Variants in RALYL observed in about 807,000 individuals in gnomAD.
RALYL encodes the protein RALY RNA binding protein like.
A neutral mutation model predicts 35.1 loss-of-function variants in RALYL; 29 were observed. The ratio of observed to expected loss-of-function variants is 0.83; its 90% CI spans 0.61 to 1.13. The LOEUF (loss-of-function observed/expected upper bound fraction) is 1.13. RALYL is among the 50% of genes most tolerant of loss of function. The pLI is 0.00. For synonymous variants in RALYL, 120 were observed against 127.6 expected (o/e 0.94, Z 0.40); for missense variants, 359 against 360.4 (o/e 1.00, Z 0.03).
chr8:84,774,730 A>T lies in RALYL; in HGVS notation c.332+76A>T, dbSNP rs1337137359. ...AGCTTTATAAGGCAATATAACTTGT[A>T]AGGCATCCACTATTTAAAATAATAA... On this transcript the variant is annotated intron_variant, in intron 3 of 8. Transcript: ENST00000521268. 7 of 885,546 alleles carry T rather than the reference A, an allele frequency of 7.9e-6. No individual in the cohort carries two copies. In the East Asian group the frequency reaches 1.8e-4, roughly 23 times the overall value. 54.9% of individuals were successfully genotyped at this position (885,546 alleles called of 1,614,324 possible). A position where few individuals can be genotyped will look rare whatever the true frequency, so the allele number is the denominator to read the frequency against.
chr8:84,842,487 AC>A (rs1471189614), intron 4 of RALYL, among the ~76,000 whole-genome samples: 1 of 152,202 alleles, frequency 6.6e-6, no homozygotes, highest in East Asian at 1.9e-4. Flanking sequence ...TAGCTTACCA[AC>A]CAAAAAAAGT....
At chr8:84,519,987 T>A (rs2058342701) in intron 1 of RALYL, among the ~76,000 whole-genome samples, 1 of 152,234 alleles carries the variant, frequency 6.6e-6, no homozygotes, top group Non-Finnish European at 1.5e-5. Context: ...GCACAAACCC[T>A]GATAGTGTAG....
At chr8:84,237,362 G>A (rs560177251) in intron 1 of RALYL, among the ~76,000 whole-genome samples, 2 of 152,292 alleles carry the variant, frequency 1.3e-5, no homozygotes, top group East Asian at 3.9e-4. Context: ...AAGGTATGCA[G>A]AGCAGAAGTG....
chr8:84,558,579 A>G lies in RALYL; in HGVS notation c.256+29002A>G, dbSNP rs949089559. On this transcript the variant is annotated intron_variant, in intron 2 of 8. Transcript: ENST00000521268. ...TGTTAGCTGAACTCACTTCTGTGCT[A>G]TTTCTGTTAGTTTAAATCACTTCTG... 5.9e-5 allele frequency among the ~76,000 whole-genome samples: 9 copies of G among 152,034 alleles called. No homozygotes were observed. In the East Asian group the frequency reaches 1.7e-3, roughly 29 times the overall value.
intron 2 of RALYL, among the ~76,000 whole-genome samples, chr8:84,585,615 T>G (rs1811817281): frequency 6.6e-6 from 1 of 152,222 alleles, no homozygotes; most frequent in African/African-American, 2.4e-5. Flanking sequence ...ACATTTCATT[T>G]AAATATACTT....
chr8:84,688,391 T>A (rs958951172), intron 2 of RALYL, among the ~76,000 whole-genome samples: 2 of 152,100 alleles, frequency 1.3e-5, no homozygotes, highest in South Asian at 4.2e-4. Context: ...ATATATAGAT[T>A]GAAGGAACAA....
Position 84,879,850 on chromosome 8 carries a change from T to C in RALYL, c.685+6453T>C, listed in dbSNP as rs537266391. Among the ~76,000 whole-genome samples, 15 of 152,100 alleles carry C rather than the reference T, an allele frequency of 9.9e-5. No individual in the cohort carries two copies. The South Asian group carries it at 3.1e-3, about 32-fold the overall frequency. On this transcript the variant is annotated intron_variant, in intron 7 of 8. Coordinates refer to ENST00000521268, the MANE Select transcript of RALYL (RefSeq NM_173848.7). ...AGTGCTTCCTGTAGTGCTTCCTCAG[T>C]TAACTGTAAAGGCAAGATTGCCCTG...
At chr8:84,791,650 AT>A (rs1820807340) in intron 3 of RALYL, among the ~76,000 whole-genome samples, 1 of 152,214 alleles carries the variant, frequency 6.6e-6, no homozygotes, top group Non-Finnish European at 1.5e-5. Context: ...GAGATGTCAA[AT>A]AAAAATGGTT....
At chr8:84,585,791 C>G (rs546729887) in intron 2 of RALYL, among the ~76,000 whole-genome samples, 2 of 152,218 alleles carry the variant, frequency 1.3e-5, no homozygotes, top group African/African-American at 4.8e-5. Flanking sequence ...CCCCTCTCCT[C>G]AAGTTGCCCA....
At chr8:84,750,505 C>A (rs1044373393) in intron 2 of RALYL, among the ~76,000 whole-genome samples, 6 of 152,042 alleles carry the variant, frequency 3.9e-5, no homozygotes, top group Non-Finnish European at 8.8e-5. Flanking sequence ...CTCTCATGCC[C>A]CCTACCATGG....
intron 1 of RALYL, among the ~76,000 whole-genome samples, chr8:84,284,087 G>A (rs1300509581): frequency 6.6e-6 from 1 of 152,038 alleles, no homozygotes; most frequent in Non-Finnish European, 1.5e-5. Context: ...AAATCAAATA[G>A]GCGGACATAG....
chr8:84,687,758 T>A (rs913786147), intron 2 of RALYL, among the ~76,000 whole-genome samples: 1 of 152,042 alleles, frequency 6.6e-6, no homozygotes, highest in Non-Finnish European at 1.5e-5. Context: ...ATTCTGTAAT[T>A]TTTTTTGTTT....
chr8:84,409,005 C>A (rs2043838787), intron 1 of RALYL, among the ~76,000 whole-genome samples: 1 of 151,892 alleles, frequency 6.6e-6, no homozygotes, highest in African/African-American at 2.4e-5. Flanking sequence ...CTTTAGTCAT[C>A]CTGATATGGA....
chr8:84,811,883 G>T (rs1342986515), intron 4 of RALYL, among the ~76,000 whole-genome samples: 1 of 152,030 alleles, frequency 6.6e-6, no homozygotes, highest in Non-Finnish European at 1.5e-5. Context: ...GTTTCTTTAT[G>T]TATTTCCTTG....
At chr8:84,380,112 G>A (rs1180370462) in intron 1 of RALYL, among the ~76,000 whole-genome samples, 2 of 151,346 alleles carry the variant, frequency 1.3e-5, no homozygotes, top group African/African-American at 4.9e-5. Flanking sequence ...ACTGTAGAAA[G>A]AGCATGCGTT....
At chr8:84,555,046 T>C (rs535484315) in intron 2 of RALYL, among the ~76,000 whole-genome samples, 7 of 152,242 alleles carry the variant, frequency 4.6e-5, no homozygotes, top group Middle Eastern at 3.4e-3. Flanking sequence ...TTTGGGAGGC[T>C]AAGGCGGGCA....
intron 2 of RALYL, among the ~76,000 whole-genome samples, chr8:84,730,695 T>C (rs558688926): frequency 8.5e-5 from 13 of 152,194 alleles, no homozygotes; most frequent in Admixed American, 8.5e-4. Context: ...TGAATGAGGA[T>C]CTGTACAACG....
intron 3 of RALYL, among the ~76,000 whole-genome samples, chr8:84,800,929 C>CAGTG (rs1422735363): frequency 6.6e-6 from 1 of 152,148 alleles, no homozygotes; most frequent in Non-Finnish European, 1.5e-5. Flanking sequence ...CTGCCAGGAA[C>CAGTG]AGTGCTAGAT....
At chr8:84,798,229 A>G (rs1239210804) in intron 3 of RALYL, among the ~76,000 whole-genome samples, 1 of 152,106 alleles carries the variant, frequency 6.6e-6, no homozygotes, top group Non-Finnish European at 1.5e-5. Context: ...TGAGTACTGC[A>G]TATCTTCTCC....
Sources: gnomAD v4.1 joint callset for allele counts (sites outside exome capture counted in the v4.1 genomes callset) on GRCh38, gnomAD v4.1.1 for gene constraint, MANE v1.5 for transcripts, NCBI Gene and HGNC (gene_info 2026-07-23, HGNC 2026-07-21) for gene names.